The following ZC3H12B variants were observed in gnomAD, a reference collection of about 807,000 sequenced individuals.
ZC3H12B encodes the protein zinc finger CCCH-type containing 12B, also known as probable ribonuclease ZC3H12B.
Under a neutral mutation model 43.9 loss-of-function variants are expected in ZC3H12B, and 7 were observed. The observed-to-expected ratio is 0.16, with a 90% CI of 0.09 to 0.30. The LOEUF (loss-of-function observed/expected upper bound fraction) is 0.30, where lower values mean the gene tolerates loss of function less well. Ranked by LOEUF, ZC3H12B falls within the 10% of genes least tolerant of loss-of-function variation. The probability of loss-of-function intolerance (pLI) is 1.00; values close to 1 mark genes in which losing one functional copy is unlikely to be tolerated. For missense variants in ZC3H12B, 475 were observed against 670.2 expected (o/e 0.71, Z 3.22); for synonymous variants, 222 against 241.7 (o/e 0.92, Z 0.76).
At chrX:65,321,010 G>A in the ZC3H12B span, among the ~76,000 whole-genome samples, 13 of 111,976 alleles carry the variant, frequency 1.2e-4, no homozygotes, top group Middle Eastern at 4.6e-3. Flanking sequence ...TGACAAAGAT[G>A]CAAAAGCAGT....
At chrX:65,228,575 G>C in the ZC3H12B span, among the ~76,000 whole-genome samples, 1 of 111,089 alleles carries the variant, frequency 9.0e-6, no homozygotes, top group East Asian at 2.8e-4. Flanking sequence ...ATTCAATTAG[G>C]AAAAGAGGAA....
At chrX:65,432,429 C>T (rs777239725) in intron 3 of ZC3H12B, among the ~76,000 whole-genome samples, 1 of 111,544 alleles carries the variant, frequency 9.0e-6, no homozygotes, top group Non-Finnish European at 1.9e-5. Context: ...TAACAGCCTG[C>T]CACATACTCC....
In ZC3H12B at chrX:65,492,082, G is replaced by A. The variant is rs747852288; in HGVS notation, c.608+2673G>A. 6.3e-5 allele frequency among the ~76,000 whole-genome samples: 7 copies of A among 110,649 alleles called. No individual in the cohort carries two copies. In the South Asian group the frequency reaches 1.2e-3, roughly 18 times the overall value. On this transcript the variant is annotated intron_variant, in intron 1 of 4. Coordinates refer to ENST00000338957, the Ensembl canonical transcript of ZC3H12B. ...AATCTGTCACCAAACCAGACCACCC[G>A]GAACACCCTAGATCGGACCTGATTC...
At chrX:65,364,661 G>C (rs753870965), upstream of ZC3H12B, among the ~76,000 whole-genome samples, 1 of 111,390 alleles carries the variant, frequency 9.0e-6, no homozygotes, top group South Asian at 3.8e-4. Context: ...ATTCTATTCT[G>C]TTGTCATTTC....
chrX:65,062,450 G>A, the ZC3H12B span, among the ~76,000 whole-genome samples: 1 of 111,820 alleles, frequency 8.9e-6, no homozygotes, highest in East Asian at 2.8e-4. Context: ...TGTCAGGTTG[G>A]TCAAAGATCA....
chrX:65,037,274 G>A, the ZC3H12B span, among the ~76,000 whole-genome samples: 1 of 111,763 alleles, frequency 8.9e-6, no homozygotes, highest in Non-Finnish European at 1.9e-5. Flanking sequence ...GGATTTTTCT[G>A]AGAAAGCTTT....
At chrX:65,482,843 GA>G (rs2068080264) in intron 3 of ZC3H12B, among the ~76,000 whole-genome samples, 1 of 111,954 alleles carries the variant, frequency 8.9e-6, no homozygotes, top group Non-Finnish European at 1.9e-5. Flanking sequence ...AATGGGTCTT[GA>G]AATCAAAATA....
At chrX:65,099,025 G>A in the ZC3H12B span, among the ~76,000 whole-genome samples, 6 of 111,395 alleles carry the variant, frequency 5.4e-5, no homozygotes, top group Admixed American at 5.7e-4. Flanking sequence ...AGTCCACCTG[G>A]GATGATTGAG....
At chrX:65,479,214 G>A (rs1390607948) in intron 3 of ZC3H12B, among the ~76,000 whole-genome samples, 2 of 111,561 alleles carry the variant, frequency 1.8e-5, no homozygotes, top group Admixed American at 9.6e-5. Flanking sequence ...TGGCTACTGT[G>A]ATTGTGAGGC....
the ZC3H12B span, among the ~76,000 whole-genome samples, chrX:65,277,293 G>T: frequency 9.0e-6 from 1 of 111,402 alleles, no homozygotes; most frequent in Non-Finnish European, 1.9e-5. Context: ...CCTAATGTCA[G>T]CATTGGACAG....
the ZC3H12B span, among the ~76,000 whole-genome samples, chrX:65,120,507 A>G: frequency 8.9e-5 from 10 of 111,797 alleles, no homozygotes. Flanking sequence ...TTGTATCCTG[A>G]GACTTTGCTG....
upstream of ZC3H12B, among the ~76,000 whole-genome samples, chrX:65,364,422 A>C (rs1416049060): frequency 3.6e-5 from 4 of 110,088 alleles, no homozygotes; most frequent in East Asian, 2.8e-4. Context: ...AAAAAAAAAA[A>C]AAAACTAGAG....
the ZC3H12B span, among the ~76,000 whole-genome samples, chrX:65,270,102 G>A: frequency 1.8e-5 from 2 of 111,317 alleles, no homozygotes; most frequent in Non-Finnish European, 1.9e-5. Flanking sequence ...AATCTAAGTA[G>A]GAGGCATCAT....
chrX:65,251,538 C>A, the ZC3H12B span, among the ~76,000 whole-genome samples: 1 of 111,363 alleles, frequency 9.0e-6, no homozygotes, highest in African/African-American at 3.3e-5. Context: ...ACCGTATGGC[C>A]ATTTTCACGA....
the ZC3H12B span, among the ~76,000 whole-genome samples, chrX:65,149,594 C>T: frequency 3.7e-5 from 4 of 108,287 alleles, no homozygotes; most frequent in South Asian, 1.2e-3. Flanking sequence ...AACCTCGTCT[C>T]TACTAAAAAT....
intron 1 of ZC3H12B, among the ~76,000 whole-genome samples, chrX:65,367,037 A>G (rs778733675): frequency 3.8e-4 from 43 of 112,225 alleles, no homozygotes; most frequent in African/African-American, 1.3e-3. Context: ...TTAGAGATGA[A>G]TAACACTCAC....
chrX:65,111,537 A>G, the ZC3H12B span, among the ~76,000 whole-genome samples: 1 of 94,008 alleles, frequency 1.1e-5, no homozygotes, highest in Non-Finnish European at 1.9e-5. Context: ...TGCAATTTTT[A>G]TTTTTTTATT....
At chrX:65,040,938 C>T in the ZC3H12B span, among the ~76,000 whole-genome samples, 1 of 110,861 alleles carries the variant, frequency 9.0e-6, no homozygotes, top group African/African-American at 3.3e-5. Flanking sequence ...GTGTGCGCCA[C>T]CACGCCCAGC....
chrX:65,227,278 G>T, the ZC3H12B span, among the ~76,000 whole-genome samples: 2 of 111,546 alleles, frequency 1.8e-5, no homozygotes, highest in Non-Finnish European at 3.8e-5. Flanking sequence ...GCTCCTGAAT[G>T]ACTACTGGGT....
Sources: allele counts gnomAD v4.1 joint callset (sites outside exome capture counted in the v4.1 genomes callset), GRCh38; gene constraint gnomAD v4.1.1; transcripts MANE v1.5; gene names NCBI Gene and HGNC (gene_info 2026-07-23, HGNC 2026-07-21).